Variants in ADA2 observed in about 807,000 individuals in gnomAD.
ADA2 encodes adenosine deaminase 2.
ADA2 carries 29 observed loss-of-function variants against 44.2 expected under a neutral mutation model. The observed-to-expected ratio is 0.66, with a 90% CI of 0.49 to 0.89. The LOEUF (loss-of-function observed/expected upper bound fraction) is 0.89. Ranked by LOEUF, ADA2 falls within the 40% of genes least tolerant of loss-of-function variation. The pLI, the probability that ADA2 is intolerant of heterozygous loss-of-function variation, is 0.00. For synonymous variants in ADA2, 215 were observed against 234.9 expected (o/e 0.92, Z 0.77); for missense variants, 637 against 644.8 (o/e 0.99, Z 0.13).
chr22:17,191,956 C>T, intron 4 of ADA2, 146 bp from the exon 5 acceptor site: 1 of 765,252 alleles, frequency 1.3e-6, no homozygotes, highest in Non-Finnish European at 2.0e-6. Flanking sequence ...CACCCTTGCC[C>T]AGCCACCCCT....
chr22:17,207,056 T>G lies in ADA2; in HGVS notation c.542+15A>C. 1 of 1,605,310 alleles carries G rather than the reference T, an allele frequency of 6.2e-7. No homozygotes were observed. ...TGACAGGCCTGGGACATGTGCTTTC[T>G]GAACTACTACTCACCTGTCATCAAA... is the stretch of plus-strand genomic sequence containing the variant. On this transcript the variant is annotated intron_variant, in intron 3 of 9. Transcript: ENST00000399837.
intron 1 of ADA2, chr22:17,213,889 A>G (rs1399363302): frequency 3.0e-5 from 9 of 298,498 alleles, no homozygotes; most frequent in Non-Finnish European, 5.2e-5. Flanking sequence ...AATACAAAAA[A>G]TTAGCTGGGC....
chr22:17,199,642 G>A, intron 4 of ADA2: 1 of 1,613,496 alleles, frequency 6.2e-7, no homozygotes, highest in Non-Finnish European at 8.5e-7. Flanking sequence ...TGAGGTGGGC[G>A]TGGCTATTAG....
intron 6 of ADA2, 178 bp from the exon 7 acceptor site, chr22:17,188,625 A>G (rs1291341681): frequency 4.3e-6 from 2 of 465,602 alleles, no homozygotes; most frequent in African/African-American, 4.0e-5. Context: ...CACACCTGTA[A>G]TCCCAGCACT....
At chr22:17,187,177 A>AG (rs1302072082) in intron 7 of ADA2, among the ~76,000 whole-genome samples, 6 of 151,672 alleles carry the variant, frequency 4.0e-5, no homozygotes, top group Non-Finnish European at 8.8e-5. Context: ...AAAAAAAAAA[A>AG]AAAAAAATTT....
At chr22:17,210,515 T>C (rs2062407905) in intron 1 of ADA2, among the ~76,000 whole-genome samples, 1 of 151,670 alleles carries the variant, frequency 6.6e-6, no homozygotes, top group Non-Finnish European at 1.5e-5. Context: ...AAGGTCACCA[T>C]GAGGTCAAAC....
chr22:17,201,493 C>T (rs1303431784), intron 4 of ADA2, among the ~76,000 whole-genome samples: 3 of 152,140 alleles, frequency 2.0e-5, no homozygotes, highest in African/African-American at 4.8e-5. Context: ...ATTTGTGTAT[C>T]CGATCAATAT....
At chr22:17,208,818 T>TTTTTTTTTTTTTTTTTTTTTTG (rs1568988096) in intron 2 of ADA2, among the ~76,000 whole-genome samples, 29 of 150,434 alleles carry the variant, frequency 1.9e-4, no homozygotes, top group East Asian at 5.9e-4. Context: ...AAATTTTTTT[T>TTTTTTTTTTTTTTTTTTTTTTG]AATAAAAAAA....
At chr22:17,189,207 C>G (rs983656851) in intron 6 of ADA2, among the ~76,000 whole-genome samples, 3 of 151,464 alleles carry the variant, frequency 2.0e-5, no homozygotes, top group Admixed American at 2.0e-4. Context: ...AGTAGAGATG[C>G]GGTTTCTCCA....
At chr22:17,204,794 CTTT>C (rs535426763) in intron 3 of ADA2, among the ~76,000 whole-genome samples, 8 of 132,894 alleles carry the variant, frequency 6.0e-5, no homozygotes, top group Admixed American at 7.9e-5. Context: ...TCAATTCCTT[CTTT>C]TTTTTTTTTT....
Position 17,209,451 on chromosome 22 carries a change from C to T in ADA2, c.227G>A (p.Arg76Lys), listed in dbSNP as rs781304472. ...LKIAEMKEAM[R>K]TLIFPPSMHF... ...CATGCTGGGTGGGAATATCAGGGTC[C>T]TCATGGCCTCCTTCATCTCAGCGAT... Residue 76 changes from arginine to lysine, a missense_variant, in exon 2 of 10, where the codon AGG becomes AAG. Physicochemically the swap from Arg to Lys is conservative, Grantham distance 26. Coordinates refer to ENST00000399837, the MANE Select transcript of ADA2 (RefSeq NM_001282225.2). The T allele has an allele frequency of 5.0e-6, 8 of 1,614,116 alleles. No individual in the cohort carries two copies. In the South Asian group the frequency reaches 6.6e-5, roughly 13 times the overall value.
intron 7 of ADA2, among the ~76,000 whole-genome samples, chr22:17,183,955 C>CTT (rs33921509): frequency 0.44 from 34,818 of 79,580 alleles, 10,417 homozygotes; most frequent in East Asian, 0.8. Context: ...TCACACCTTT[C>CTT]TTTTTTTTTT....
intron 3 of ADA2, among the ~76,000 whole-genome samples, chr22:17,204,128 T>A (rs1347946600): frequency 6.6e-6 from 1 of 152,050 alleles, no homozygotes; most frequent in Non-Finnish European, 1.5e-5. Context: ...TCTCTTTTTT[T>A]CTTCCTATAC....
At chr22:17,192,854 C>G (rs1438665624) in intron 4 of ADA2, 2 of 411,728 alleles carry the variant, frequency 4.9e-6, no homozygotes, top group South Asian at 2.0e-5. Flanking sequence ...GGGGCCCTCT[C>G]TCTTCCTCGG....
Position 17,191,695 on chromosome 22 carries a change from T to C in ADA2, c.869A>G (p.Tyr290Cys). Residue 290 changes from tyrosine (Y) to cysteine (C), a missense_variant, in exon 5 of 10, where the codon TAT (tyrosine) becomes TGT (cysteine). Coordinates refer to ENST00000399837, the MANE Select transcript of ADA2 (RefSeq NM_001282225.2). The part of the protein sequence containing the change: ...HPEFIGIKII[Y>C]SDHRSKDVAV... ...TATTCTCTCTCACCTGTGATCCGAA[T>C]AAATGATTTTGATTCCAATAAACTC... The C allele has an allele frequency of 6.2e-7, 1 of 1,613,038 alleles. No homozygotes were observed. The highest frequency in any genetic ancestry group is 1.3e-5 in the African/African-American group (1 of 74,976).
At chr22:17,207,424 A>G (rs898795000) in intron 2 of ADA2, 134 bp from the exon 3 acceptor site, 1 of 619,974 alleles carries the variant, frequency 1.6e-6, no homozygotes, top group Non-Finnish European at 2.8e-6. Flanking sequence ...GTGAAGTCCC[A>G]TCCCAGGGCT....
intron 4 of ADA2, among the ~76,000 whole-genome samples, chr22:17,200,835 T>C (rs57549060): frequency 0.079 from 11,801 of 149,364 alleles, 522 homozygotes; most frequent in Middle Eastern, 0.14. Flanking sequence ...TAAACCAAGA[T>C]GGTGCCATTG....
chr22:17,183,943 C>T (rs2123610885), intron 7 of ADA2, among the ~76,000 whole-genome samples: 2 of 147,350 alleles, frequency 1.4e-5, no homozygotes, highest in Middle Eastern at 3.6e-3. Flanking sequence ...CTGCCATCCC[C>T]ATCACACCTT....
chr22:17,181,759 G>A, intron 9 of ADA2, 61 bp downstream of exon 9: 1 of 1,448,022 alleles, frequency 6.9e-7, no homozygotes, highest in Non-Finnish European at 9.7e-7. Flanking sequence ...CCTCCAGAGA[G>A]GCAAACACAA....
Sources: gnomAD v4.1 joint callset for allele counts (sites outside exome capture counted in the v4.1 genomes callset) on GRCh38, gnomAD v4.1.1 for gene constraint, MANE v1.5 for transcripts, NCBI Gene and HGNC (gene_info 2026-07-23, HGNC 2026-07-21) for gene names.